The following PCNX1 variants were observed in gnomAD, a reference collection of about 807,000 sequenced individuals.
PCNX1 encodes pecanex-like protein 1.
PCNX1 carries 78 observed loss-of-function variants against 242.2 expected under a neutral mutation model. The ratio of observed to expected loss-of-function variants is 0.32; its 90% CI spans 0.27 to 0.39. The LOEUF (loss-of-function observed/expected upper bound fraction) is 0.39, where lower values mean the gene tolerates loss of function less well. PCNX1 is among the 10% of genes least tolerant of loss of function. The pLI is 1.00. For synonymous variants in PCNX1, 1,024 were observed against 1,032.9 expected, an observed-to-expected ratio of 0.99 and a Z score of 0.17; for missense variants, 2,581 against 2,856.5, an observed-to-expected ratio of 0.90 and a Z score of 2.20.
intron 11 of PCNX1, among the ~76,000 whole-genome samples, chr14:71,014,407 C>G (rs555975861): frequency 2.6e-5 from 4 of 152,308 alleles, no homozygotes; most frequent in South Asian, 2.1e-4. Context: ...CGACCTCTAA[C>G]AAGAATAATC....
chr14:71,012,603 G>A (rs866084269), intron 10 of PCNX1: 45 of 255,656 alleles, frequency 1.8e-4, no homozygotes, highest in Middle Eastern at 3.1e-3. Flanking sequence ...AGGCCGAGGC[G>A]GGTGGATCAC....
chr14:71,109,191 T>C lies in PCNX1; in HGVS notation c.6744+145T>C, dbSNP rs113402727. Reference sequence around the variant, plus strand: ...TTTTTGAATGTTGGGGAAAAATTTCTTCAAACTTAAAAACTGAAAGCAAAC... The same window carrying C: ...TTTTTGAATGTTGGGGAAAAATTTCCTCAAACTTAAAAACTGAAAGCAAAC... On this transcript the variant is annotated intron_variant, in intron 34 of 35. Transcript: ENST00000304743. 9 of 892,070 alleles carry C rather than the reference T, an allele frequency of 1.0e-5. No homozygotes were observed. The Admixed American group carries it at 2.4e-4, about 23-fold the overall frequency. The allele number at this position is 892,070 out of a possible 1,614,324, so 55.3% of individuals were successfully genotyped here.
intron 8 of PCNX1, among the ~76,000 whole-genome samples, chr14:71,000,629 C>T (rs949794984): frequency 1.3e-5 from 2 of 150,258 alleles, no homozygotes; most frequent in Non-Finnish European, 2.9e-5. Flanking sequence ...TGGGTTCAAG[C>T]GATTTTGCTG....
At chr14:71,015,243 AT>A (rs1392849277) in intron 11 of PCNX1, among the ~76,000 whole-genome samples, 2 of 152,238 alleles carry the variant, frequency 1.3e-5, no homozygotes, top group Non-Finnish European at 2.9e-5. Context: ...AGATGGAAAT[AT>A]AAGTCTACCC....
intron 16 of PCNX1, among the ~76,000 whole-genome samples, chr14:71,032,726 T>G (rs576340727): frequency 6.6e-6 from 1 of 152,324 alleles, no homozygotes; most frequent in South Asian, 2.1e-4. Flanking sequence ...AGGACATACT[T>G]AAGAACTGTT....
chr14:70,949,198 T>C (rs758808200), intron 2 of PCNX1, among the ~76,000 whole-genome samples: 100 of 138,834 alleles, frequency 7.2e-4, no homozygotes, highest in Non-Finnish European at 1.3e-3. Flanking sequence ...TTACTCATAG[T>C]GTGTATATAC....
intron 23 of PCNX1, among the ~76,000 whole-genome samples, chr14:71,051,133 A>C (rs1439866118): frequency 7.6e-6 from 1 of 132,408 alleles, no homozygotes; most frequent in African/African-American, 2.9e-5. Flanking sequence ...GCGCCATTGC[A>C]CTCCAGCCTG....
At position 70,919,470 on chromosome 14, in the gene PCNX1, A is replaced by G. The variant is rs1188518122; in HGVS notation, c.153+11467A>G. 2.6e-5 allele frequency among the ~76,000 whole-genome samples: 4 copies of G among 152,200 alleles called. No individual in the cohort carries two copies. The East Asian group carries it at 7.7e-4, about 29-fold the overall frequency. ...ATGATTTTCCTGTGTCTCTTAGGAA[A>G]GCTGGAGGGGCTAAGAATTTTTTGG... On this transcript the variant is annotated intron_variant, in intron 1 of 35. Transcript: ENST00000304743.
rs1442378447 is a variant in PCNX1 at position 71,112,351 on chromosome 14, T to C, written c.*2416T>C. The C allele has an allele frequency of 1.3e-5, 2 of 152,102 alleles. No individual in the cohort carries two copies. Among genetic ancestry groups the C allele is most frequent in the South Asian group, 2.1e-4 (1 of 4,836 alleles). The allele number at this position is 152,102 out of a possible 1,614,324, so 9.4% of individuals were successfully genotyped here. ...TTGATTTTGGGTAGCAATTGACATATATTTTTCTCAAAACAAGTTGAATTT... is the reference window on the plus strand; with the variant it reads ...TTGATTTTGGGTAGCAATTGACATACATTTTTCTCAAAACAAGTTGAATTT... On this transcript the variant is annotated 3_prime_UTR_variant, in exon 36 of 36. Transcript: ENST00000304743.
In PCNX1 at chr14:71,109,459, A is replaced by G; in HGVS notation, c.6752A>G (p.Asp2251Gly). ...AEVIYRVQIV[D>G]PSQILEGINL... ...TTTTTATTTACCATGTAGATTGTGG[A>G]TCCCAGTCAAATTCTGGAAGGGATC... Residue 2251 changes from aspartate to glycine, a missense_variant, in exon 35 of 36, where the codon GAT (aspartate) becomes GGT (glycine). Transcript: ENST00000304743. 6.2e-7 allele frequency: 1 copy of G among 1,611,682 alleles called. No homozygotes were observed. Among genetic ancestry groups the G allele is most frequent in the Non-Finnish European group, 8.5e-7 (1 of 1,178,758 alleles).
At chr14:71,057,461 AG>A in intron 25 of PCNX1, 47 bp from the exon 26 acceptor site, 1 of 1,176,316 alleles carries the variant, frequency 8.5e-7, no homozygotes, top group Non-Finnish European at 1.3e-6. Context: ...TTGTTTGTCA[AG>A]AGGACTTAAG....
chr14:70,997,132 G>A (rs939070136), intron 8 of PCNX1, among the ~76,000 whole-genome samples: 1 of 152,108 alleles, frequency 6.6e-6, no homozygotes, highest in Non-Finnish European at 1.5e-5. Context: ...GCTGCTTGAG[G>A]GAGAATGAGG....
chr14:71,066,870 A>G (rs550572913), intron 26 of PCNX1, among the ~76,000 whole-genome samples: 13 of 152,196 alleles, frequency 8.5e-5, no homozygotes, highest in African/African-American at 3.1e-4. Flanking sequence ...AGATAATCAT[A>G]TAGTTTTTGT....
intron 1 of PCNX1, among the ~76,000 whole-genome samples, chr14:70,910,651 A>G (rs1248611573): frequency 1.3e-5 from 2 of 151,982 alleles, no homozygotes; most frequent in Admixed American, 6.5e-5. Flanking sequence ...TCCATAGCCC[A>G]CCTTTTAAAA....
intron 1 of PCNX1, among the ~76,000 whole-genome samples, chr14:70,909,410 C>G (rs546390128): frequency 6.6e-6 from 1 of 152,248 alleles, no homozygotes; most frequent in Admixed American, 6.5e-5. Context: ...TCTATTTGCA[C>G]TACTATACCT....
chr14:71,056,927 G>A (rs1344154552), intron 25 of PCNX1, among the ~76,000 whole-genome samples: 2 of 152,072 alleles, frequency 1.3e-5, no homozygotes, highest in Non-Finnish European at 2.9e-5. Context: ...GCCCACCTCA[G>A]CCTCCCAAAG....
intron 5 of PCNX1, among the ~76,000 whole-genome samples, chr14:70,970,671 G>A (rs2058514366): frequency 1.3e-5 from 2 of 152,172 alleles, no homozygotes; most frequent in Admixed American, 1.3e-4. Context: ...GGCCAAGTTT[G>A]GGGTCAACAT....
chr14:71,057,427 A>G, intron 25 of PCNX1, 82 bp from the exon 26 acceptor site: 1 of 828,970 alleles, frequency 1.2e-6, no homozygotes, highest in Non-Finnish European at 2.0e-6. Flanking sequence ...CCCATACTAG[A>G]AGTTTTTAAT....
At chr14:70,943,710 G>T (rs1012187918) in intron 1 of PCNX1, among the ~76,000 whole-genome samples, 7 of 152,282 alleles carry the variant, frequency 4.6e-5, no homozygotes, top group East Asian at 1.9e-4. Flanking sequence ...TGTCTCCAGC[G>T]CATGTCAGAG....
Sources: allele counts gnomAD v4.1 joint callset (sites outside exome capture counted in the v4.1 genomes callset), GRCh38; gene constraint gnomAD v4.1.1; transcripts MANE v1.5; gene names NCBI Gene and HGNC (gene_info 2026-07-23, HGNC 2026-07-21).